TBC1D32: variants seen among roughly 807,000 people sequenced by gnomAD.
TBC1D32 encodes the protein protein broad-minded.
A neutral mutation model predicts 170.3 loss-of-function variants in TBC1D32; 151 were observed. The ratio of observed to expected loss-of-function variants is 0.89; its 90% CI spans 0.78 to 1.01. TBC1D32 has a LOEUF of 1.01. Ranked by LOEUF, TBC1D32 falls within the 50% of genes least tolerant of loss-of-function variation. TBC1D32 has a pLI of 0.00. For synonymous variants in TBC1D32, 498 were observed against 488.0 expected (o/e 1.02, Z -0.27); for missense variants, 1,464 against 1,457.1 (o/e 1.00, Z -0.08).
rs779929168 is a variant in TBC1D32, at chr6:121,255,374, C to G, written c.1972G>C (p.Glu658Gln). Residue 658 changes from glutamate (E) to glutamine (Q), a missense_variant, in exon 17 of 32, where the codon GAG becomes CAG. Around this residue, in one of 3 missense-constraint regions of TBC1D32, gnomAD observed 1,363 missense variants for 1,338.1 expected, o/e 1.02. Transcript: ENST00000398212. Reference protein sequence around the residue: ...LLSERIPTPVEGSDSVSSVSQ... With the variant: ...LLSERIPTPVQGSDSVSSVSQ... ...ACTGAAGAAACAGAATCAGAACCCT[C>G]TACTGGAGTAGGAATTCTTTCTGAT... 2.6e-6 allele frequency: 4 copies of G among 1,530,384 alleles called. No individual in the cohort carries two copies. In the South Asian group the frequency reaches 3.9e-5, roughly 15 times the overall value. 94.8% of individuals were successfully genotyped at this position (1,530,384 alleles called of 1,614,324 possible).
At chr6:121,325,289 G>C (rs1438419332) in intron 1 of TBC1D32, among the ~76,000 whole-genome samples, 2 of 150,466 alleles carry the variant, frequency 1.3e-5, no homozygotes, top group South Asian at 4.2e-4. Flanking sequence ...TCAAGAATCA[G>C]AACATCTGAT....
chr6:121,146,677 C>A (rs1783491279), intron 24 of TBC1D32, among the ~76,000 whole-genome samples: 1 of 152,090 alleles, frequency 6.6e-6, no homozygotes, highest in South Asian at 2.1e-4. Flanking sequence ...CTGGGTTACA[C>A]AGAGAAACTA....
intron 21 of TBC1D32, among the ~76,000 whole-genome samples, chr6:121,219,288 T>C (rs1055921172): frequency 6.6e-6 from 1 of 152,228 alleles, no homozygotes; most frequent in Admixed American, 6.5e-5. Context: ...GGAACTCATA[T>C]ACATGTCTAA....
In TBC1D32 at chr6:121,256,272, G is replaced by T; in HGVS notation, c.1747C>A (p.His583Asn). Residue 583 changes from histidine (H) to asparagine (N), a missense_variant, in exon 16 of 32, where the codon CAT (histidine) becomes AAT (asparagine). Transcript: ENST00000398212. Reference sequence around the variant, plus strand: ...TTTTTCGAAAACTGGGCAATTATATGAGCACCTGTAGGACTAAAAGATGAT... The same window carrying T: ...TTTTTCGAAAACTGGGCAATTATATTAGCACCTGTAGGACTAAAAGATGAT... ...NSSEESPTGA[H>N]IIAQFSKKLL... 1 of 1,612,558 alleles carries T rather than the reference G, an allele frequency of 6.2e-7. No homozygotes were observed. The highest frequency in any genetic ancestry group is 1.1e-5 in the South Asian group (1 of 90,926).
At chr6:121,148,370 T>A (rs779467246) in intron 24 of TBC1D32, among the ~76,000 whole-genome samples, 15 of 152,184 alleles carry the variant, frequency 9.9e-5, no homozygotes, top group Non-Finnish European at 1.5e-4. Context: ...CACATTTTCT[T>A]TATCAAGTCT....
At chr6:121,244,229 T>G (rs1797338931) in intron 17 of TBC1D32, among the ~76,000 whole-genome samples, 1 of 149,868 alleles carries the variant, frequency 6.7e-6, no homozygotes, top group South Asian at 2.1e-4. Context: ...GTATTGTTAT[T>G]TTTTAGAAAA....
At chr6:121,137,511 T>C (rs1466900199) in intron 24 of TBC1D32, among the ~76,000 whole-genome samples, 2 of 150,658 alleles carry the variant, frequency 1.3e-5, no homozygotes, top group African/African-American at 4.8e-5. Flanking sequence ...CTTTATTCTC[T>C]GTCCTTACCA....
At chr6:121,136,816 T>C (rs1431704505) in intron 24 of TBC1D32, among the ~76,000 whole-genome samples, 2 of 152,144 alleles carry the variant, frequency 1.3e-5, no homozygotes, top group East Asian at 3.8e-4. Context: ...TATATACACA[T>C]GTGTATGTAA....
chr6:121,175,429 A>T (rs10484957), intron 22 of TBC1D32, among the ~76,000 whole-genome samples: 2,266 of 152,318 alleles, frequency 0.015, 70 homozygotes, highest in African/African-American at 0.052. Flanking sequence ...TCTTACAAGT[A>T]CTAGAAATAA....
At chr6:121,264,526 A>G (rs1395564885) in intron 15 of TBC1D32, among the ~76,000 whole-genome samples, 1 of 152,170 alleles carries the variant, frequency 6.6e-6, no homozygotes, top group African/African-American at 2.4e-5. Flanking sequence ...AACTATTCCT[A>G]ACAATTAAAA....
At chr6:121,118,228 C>T (rs1779882168) in intron 26 of TBC1D32, among the ~76,000 whole-genome samples, 1 of 152,026 alleles carries the variant, frequency 6.6e-6, no homozygotes, top group Non-Finnish European at 1.5e-5. Flanking sequence ...ATATTAAAAT[C>T]AAGTAACACA....
intron 24 of TBC1D32, among the ~76,000 whole-genome samples, chr6:121,153,054 T>C (rs1357787204): frequency 6.6e-6 from 1 of 152,014 alleles, no homozygotes; most frequent in Admixed American, 6.6e-5. Context: ...TGGAGAGGAG[T>C]TGTAATCCTT....
chr6:121,243,948 C>T (rs1797300835), intron 17 of TBC1D32, among the ~76,000 whole-genome samples: 1 of 151,976 alleles, frequency 6.6e-6, no homozygotes, highest in South Asian at 2.1e-4. Context: ...GATTGCTTCT[C>T]TCAACATCCA....
At chr6:121,208,336 A>G (rs1264424739) in intron 21 of TBC1D32, among the ~76,000 whole-genome samples, 1 of 152,110 alleles carries the variant, frequency 6.6e-6, no homozygotes. Context: ...ACTTGCAATC[A>G]TGGTGGAGGG....
intron 24 of TBC1D32, among the ~76,000 whole-genome samples, chr6:121,150,040 C>A (rs534054454): frequency 6.6e-6 from 1 of 152,120 alleles, no homozygotes; most frequent in Non-Finnish European, 1.5e-5. Flanking sequence ...GCCAAAACTT[C>A]CAACACTATG....
intron 12 of TBC1D32, among the ~76,000 whole-genome samples, chr6:121,289,540 G>A (rs1256796027): frequency 6.6e-6 from 1 of 152,162 alleles, no homozygotes; most frequent in Non-Finnish European, 1.5e-5. Context: ...TCATGGGTAG[G>A]AAGAATCAAT....
At chr6:121,115,002 A>G (rs1779551906) in intron 27 of TBC1D32, among the ~76,000 whole-genome samples, 170 bp downstream of exon 27, 1 of 152,206 alleles carries the variant, frequency 6.6e-6, no homozygotes. Context: ...TAGAGAGGTA[A>G]TTTAATCATG....
intron 8 of TBC1D32, 37 bp downstream of exon 8, chr6:121,304,328 T>C (rs893882734): frequency 6.2e-6 from 10 of 1,600,352 alleles, no homozygotes; most frequent in African/African-American, 1.3e-5. Context: ...GTAACACCGC[T>C]AGGTTTTATG....
At position 121,149,695 on chromosome 6, in the gene TBC1D32, C is replaced by T. The variant is rs146367394; in HGVS notation, c.2773+10315G>A. ...TAGTTTGAAGTCAGGTAGCATGATG[C>T]CTCCAGCTTTGTTCTTATTGCTTAG... On this transcript the variant is annotated intron_variant, in intron 24 of 31. Coordinates refer to ENST00000398212, the MANE Select transcript of TBC1D32 (RefSeq NM_152730.6). Among the ~76,000 whole-genome samples, 377 of 152,248 alleles carry T rather than the reference C, an allele frequency of 2.5e-3. 2 individuals are homozygous for T. Among genetic ancestry groups the T allele is most frequent in the African/African-American group, 8.8e-3 (365 of 41,544 alleles).
Sources: allele counts gnomAD v4.1 joint callset (sites outside exome capture counted in the v4.1 genomes callset), GRCh38; gene constraint gnomAD v4.1.1; regional missense constraint gnomAD v4.1.1; transcripts MANE v1.5; gene names NCBI Gene and HGNC (gene_info 2026-07-23, HGNC 2026-07-21).